EPM2A: variants seen among roughly 807,000 people sequenced by gnomAD.
EPM2A encodes laforin.
In EPM2A, 21 loss-of-function variants were observed where a neutral mutation model predicts 26.5. That is an observed-to-expected ratio of 0.79 (90% confidence interval 0.56 to 1.14). The LOEUF is 1.14. Ranked by LOEUF, EPM2A falls within the 50% of genes most tolerant of loss-of-function variation. EPM2A has a pLI of 0.00. For synonymous variants in EPM2A, 217 were observed against 177.6 expected (o/e 1.22, Z -1.76); for missense variants, 458 against 440.8 (o/e 1.04, Z -0.35).
At chr6:145,662,122 A>G (rs960312161) in intron 2 of EPM2A, among the ~76,000 whole-genome samples, 8 of 152,194 alleles carry the variant, frequency 5.3e-5, no homozygotes, top group African/African-American at 1.9e-4. Flanking sequence ...AAAACTGGTC[A>G]AGTCCAGATG....
At chr6:145,498,618 G>C (rs952342776), downstream of EPM2A, among the ~76,000 whole-genome samples, 1 of 152,150 alleles carries the variant, frequency 6.6e-6, no homozygotes, top group Admixed American at 6.5e-5. Context: ...CGGTAGGGGA[G>C]GTTCCCTTGG....
At chr6:145,484,271 T>C (rs1779646607) in intron 4 of EPM2A, among the ~76,000 whole-genome samples, 1 of 152,082 alleles carries the variant, frequency 6.6e-6, no homozygotes. Context: ...CCCCTAAATA[T>C]ACTGACCCCT....
intron 2 of EPM2A, among the ~76,000 whole-genome samples, chr6:145,591,285 T>C (rs910345984): frequency 2.0e-5 from 3 of 152,086 alleles, no homozygotes; most frequent in African/African-American, 7.2e-5. Context: ...AAAAAACTAT[T>C]GGAAGTTACA....
intron 4 of EPM2A, among the ~76,000 whole-genome samples, chr6:145,402,012 G>A (rs1278381833): frequency 1.3e-5 from 2 of 152,064 alleles, no homozygotes; most frequent in Admixed American, 6.6e-5. Context: ...AAAATAATGG[G>A]TTTAAGAAAG....
At chr6:145,720,539 A>G (rs1775899837) in intron 1 of EPM2A, among the ~76,000 whole-genome samples, 1 of 152,202 alleles carries the variant, frequency 6.6e-6, no homozygotes, top group African/African-American at 2.4e-5. Context: ...GATGATGGAA[A>G]TAACAGTGTG....
At chr6:145,535,885 C>T (rs568528661) in intron 2 of EPM2A, among the ~76,000 whole-genome samples, 6 of 152,332 alleles carry the variant, frequency 3.9e-5, no homozygotes, top group African/African-American at 1.4e-4. Flanking sequence ...GAGTGGAACT[C>T]CCTGAGTCAT....
chr6:145,616,047 T>C (rs1318660287), intron 2 of EPM2A, among the ~76,000 whole-genome samples: 1 of 152,180 alleles, frequency 6.6e-6, no homozygotes, highest in East Asian at 1.9e-4. Flanking sequence ...AGGAACCAAA[T>C]GTGAATACCC....
intron 1 of EPM2A, among the ~76,000 whole-genome samples, chr6:145,717,377 T>C (rs1171996178): frequency 6.6e-6 from 1 of 152,146 alleles, no homozygotes; most frequent in African/African-American, 2.4e-5. Flanking sequence ...CACATGATTA[T>C]CTCAATAGAT....
rs1554250302 is a variant in EPM2A at position 145,554,459 on chromosome 6, G to GATAGATACATAGATAGATAC, written c.341-51885_341-51884insGTATCTATCTATGTATCTAT. 5.5e-4 allele frequency among the ~76,000 whole-genome samples: 84 copies of GATAGATACATAGATAGATAC among 151,610 alleles called. No individual in the cohort carries two copies. The East Asian group carries it at 9.3e-3, about 17-fold the overall frequency. On this transcript the variant is annotated intron_variant, in intron 2 of 3. Transcript: ENST00000450221. ...AGATAGATAGATAGATAGATAGATA[G>GATAGATACATAGATAGATAC]ATAGATAGATACATAGACAGAGAGA...
intron 4 of EPM2A, among the ~76,000 whole-genome samples, chr6:145,467,544 C>A (rs1036165923): frequency 6.6e-6 from 1 of 152,056 alleles, no homozygotes; most frequent in Non-Finnish European, 1.5e-5. Context: ...GCAAATGCCA[C>A]TTTTTGATAT....
chr6:145,635,785 T>C (rs1483294721), intron 2 of EPM2A: 2 of 336,590 alleles, frequency 5.9e-6, no homozygotes, highest in Non-Finnish European at 5.6e-6. Flanking sequence ...TGAATGCATA[T>C]ATGGTTCCAC....
At chr6:145,437,216 C>T (rs1467190192) in intron 4 of EPM2A, among the ~76,000 whole-genome samples, 2 of 151,912 alleles carry the variant, frequency 1.3e-5, no homozygotes, top group African/African-American at 4.8e-5. Context: ...TGGTACTTCC[C>T]CCACCGCCCC....
chr6:145,632,555 C>T (rs1453767994), intron 3 of EPM2A, among the ~76,000 whole-genome samples: 1 of 152,176 alleles, frequency 6.6e-6, no homozygotes, highest in Non-Finnish European at 1.5e-5. Flanking sequence ...AAGAAATCTA[C>T]ACCACCATTC....
chr6:145,407,563 G>T (rs1463134415), intron 4 of EPM2A, among the ~76,000 whole-genome samples: 8 of 152,122 alleles, frequency 5.3e-5, no homozygotes, highest in Admixed American at 5.2e-4. Context: ...CTATAATTGT[G>T]AGGAGTTTTC....
At chr6:145,675,694 C>T (rs1375186263) in intron 2 of EPM2A, among the ~76,000 whole-genome samples, 1 of 152,122 alleles carries the variant, frequency 6.6e-6, no homozygotes, top group Non-Finnish European at 1.5e-5. Flanking sequence ...AAGGCCATTA[C>T]ATAATGGTAA....
At position 145,626,093 on chromosome 6, in the gene EPM2A, A is replaced by G; in HGVS notation, c.*1323T>C. ...TGAAGATTAAACTGGATATGATTAT[A>G]TATCACCTTGCACATAGAGGCTCTC... On this transcript the variant is annotated 3_prime_UTR_variant, in exon 4 of 4. Transcript: ENST00000367519. 9.2e-7 allele frequency: 1 copy of G among 1,089,646 alleles called. No individual in the cohort carries two copies. Among genetic ancestry groups the G allele is most frequent in the Non-Finnish European group, 1.1e-6 (1 of 892,074 alleles). The allele number at this position is 1,089,646 out of a possible 1,614,324, so 67.5% of individuals were successfully genotyped here. A position where few individuals can be genotyped will look rare whatever the true frequency, so the allele number is the denominator to read the frequency against.
At chr6:145,735,655 C>T (rs1312603994), upstream of EPM2A, 1 of 1,084,372 alleles carries the variant, frequency 9.2e-7, no homozygotes, top group Non-Finnish European at 1.1e-6. Flanking sequence ...GGATGCATCA[C>T]GCGGCTCCCG....
chr6:145,636,261 G>A (rs1234664121), intron 2 of EPM2A: 1 of 152,236 alleles, frequency 6.6e-6, no homozygotes, highest in Non-Finnish European at 1.5e-5. Context: ...AGGACTTTGG[G>A]AGGCCAAGGC....
chr6:145,520,495 A>G (rs900502902), intron 2 of EPM2A, among the ~76,000 whole-genome samples: 1 of 152,198 alleles, frequency 6.6e-6, no homozygotes, highest in Non-Finnish European at 1.5e-5. Context: ...CTCTCCCTGG[A>G]ATACTTATCA....
Sources: allele counts gnomAD v4.1 joint callset (sites outside exome capture counted in the v4.1 genomes callset), GRCh38; gene constraint gnomAD v4.1.1; transcripts MANE v1.5; gene names NCBI Gene and HGNC (gene_info 2026-07-23, HGNC 2026-07-21).